TCF7L2: variants seen among roughly 807,000 people sequenced by gnomAD.
The protein encoded by TCF7L2 is transcription factor 7 like 2.
Under a neutral mutation model 77.9 loss-of-function variants are expected in TCF7L2, and 23 were observed. The ratio of observed to expected loss-of-function variants is 0.30; its 90% CI spans 0.21 to 0.42. TCF7L2 has a LOEUF of 0.42. TCF7L2 is among the 10% of genes least tolerant of loss of function. The pLI, the probability that TCF7L2 is intolerant of heterozygous loss-of-function variation, is 1.00. For missense variants in TCF7L2, 654 were observed against 793.1 expected (o/e 0.82, Z 2.11); for synonymous variants, 413 against 340.2 (o/e 1.21, Z -2.36).
intron 5 of TCF7L2, among the ~76,000 whole-genome samples, chr10:113,052,210 G>T (rs1184135141): frequency 6.6e-6 from 1 of 152,152 alleles, no homozygotes; most frequent in Non-Finnish European, 1.5e-5. Flanking sequence ...GCCGAGTGCA[G>T]GGTTTGTACT....
chr10:113,003,314 C>T (rs2044837272), intron 4 of TCF7L2, among the ~76,000 whole-genome samples: 1 of 152,186 alleles, frequency 6.6e-6, no homozygotes, highest in South Asian at 2.1e-4. Flanking sequence ...TGGGATCTCA[C>T]CCACGTGCCC....
At chr10:112,983,989 T>G (rs137881070) in intron 4 of TCF7L2, among the ~76,000 whole-genome samples, 43 of 152,338 alleles carry the variant, frequency 2.8e-4, no homozygotes, top group Non-Finnish European at 5.9e-4. Flanking sequence ...ATTCTCCCAG[T>G]CGACTTGAAA....
At chr10:112,962,743 C>T (rs1483641753) in intron 3 of TCF7L2, among the ~76,000 whole-genome samples, 6 of 152,126 alleles carry the variant, frequency 3.9e-5, no homozygotes, top group Admixed American at 2.0e-4. Flanking sequence ...GGACTATAGG[C>T]GCCCGCCACC....
chr10:113,115,646 G>A (rs1564913867), intron 5 of TCF7L2, among the ~76,000 whole-genome samples: 1 of 152,166 alleles, frequency 6.6e-6, no homozygotes, highest in South Asian at 2.1e-4. Flanking sequence ...TGAAATGGAA[G>A]GCTGAAGTAG....
intron 5 of TCF7L2, chr10:113,129,378 G>A (rs956052021): frequency 2.2e-5 from 22 of 991,020 alleles, no homozygotes; most frequent in South Asian, 9.2e-5. Context: ...CCAAGGTAAC[G>A]GGTGAGGGAG....
At position 113,150,998 on chromosome 10, in the gene TCF7L2, G is replaced by C. The variant is rs2137126339; in HGVS notation, c.876G>C (p.Arg292Ser). ...ATTTACACAGCTTTCTGTCTTCTAG[G>C]TTCCCTCCCCATATGGTCCCACCAC... is the stretch of plus-strand genomic sequence containing the variant. The change falls in exon 9 of 14, where the codon AGG becomes AGC. Residue 292 changes from arginine (R) to serine (S), a missense_variant and splice_region_variant. Around this residue, in one of 6 missense-constraint regions of TCF7L2, gnomAD observed 179 missense variants for 270.6 expected, o/e 0.66. Transcript: ENST00000627217. 6.2e-7 allele frequency: 1 copy of C among 1,613,494 alleles called. No homozygotes were observed. The highest frequency in any genetic ancestry group is 8.5e-7 in the Non-Finnish European group (1 of 1,179,898).
chr10:113,132,671 C>G (rs137994036), intron 5 of TCF7L2, among the ~76,000 whole-genome samples: 1 of 152,354 alleles, frequency 6.6e-6, no homozygotes, highest in African/African-American at 2.4e-5. Context: ...CTCCTAGAAA[C>G]AGCTGTACTC....
intron 4 of TCF7L2, among the ~76,000 whole-genome samples, chr10:112,998,592 A>G (rs560810021): frequency 2.0e-5 from 3 of 152,278 alleles, no homozygotes; most frequent in South Asian, 2.1e-4. Context: ...TTTAGATACT[A>G]TATAATTTAA....
chr10:112,996,648 G>A (rs2043538221), intron 4 of TCF7L2, among the ~76,000 whole-genome samples: 1 of 152,204 alleles, frequency 6.6e-6, no homozygotes, highest in African/African-American at 2.4e-5. Context: ...GAGGGCACCT[G>A]GGATTTCCGG....
chr10:112,950,561 C>A lies in TCF7L2; in HGVS notation c.-196C>A. On this transcript the variant is annotated 5_prime_UTR_variant, in exon 1 of 14. Transcript: ENST00000627217. ...AACTCACGCGTGCAGAAGATCTCCC[C>A]CCCCTTCCCCTCCCCTCCTCCCTCT... 1 of 509,970 alleles carries A rather than the reference C, an allele frequency of 2.0e-6. No individual in the cohort carries two copies. 31.6% of individuals were successfully genotyped at this position (509,970 alleles called of 1,614,324 possible).
chr10:112,958,555 GA>G (rs1288409526), intron 3 of TCF7L2, among the ~76,000 whole-genome samples: 3 of 152,062 alleles, frequency 2.0e-5, no homozygotes, highest in Non-Finnish European at 4.4e-5. Flanking sequence ...TAAAGTCAAT[GA>G]ATTGCAGATG....
At chr10:113,055,995 C>T (rs935586223) in intron 5 of TCF7L2, among the ~76,000 whole-genome samples, 1 of 152,166 alleles carries the variant, frequency 6.6e-6, no homozygotes, top group African/African-American at 2.4e-5. Context: ...TTAAGCAACT[C>T]ACTTAGAACA....
intron 4 of TCF7L2, among the ~76,000 whole-genome samples, 184 bp downstream of exon 4, chr10:112,964,808 G>T (rs1299850844): frequency 2.6e-5 from 3 of 116,988 alleles, no homozygotes; most frequent in African/African-American, 1.2e-4. Context: ...GGTGGTGGTG[G>T]TGGTGGGGGG....
At chr10:113,145,958 T>TGGC in intron 7 of TCF7L2, 53 bp from the exon 8 acceptor site, 3 of 1,350,230 alleles carry the variant, frequency 2.2e-6, no homozygotes, top group Non-Finnish European at 3.1e-6. Context: ...CTTTTTCTTG[T>TGGC]CCCCACCCCC....
chr10:112,962,318 G>A (rs1241963041), intron 3 of TCF7L2, among the ~76,000 whole-genome samples: 2 of 152,112 alleles, frequency 1.3e-5, no homozygotes, highest in Non-Finnish European at 2.9e-5. Flanking sequence ...GATTGGAAAA[G>A]AAGAGAATAA....
chr10:112,995,348 G>C (rs1055359398), intron 4 of TCF7L2, among the ~76,000 whole-genome samples: 15 of 152,176 alleles, frequency 9.9e-5, no homozygotes, highest in African/African-American at 1.7e-4. Flanking sequence ...TGAGATATTT[G>C]TAAGTCTCCT....
At chr10:113,127,373 A>G (rs1442673346) in intron 5 of TCF7L2, among the ~76,000 whole-genome samples, 1 of 151,718 alleles carries the variant, frequency 6.6e-6, no homozygotes, top group Non-Finnish European at 1.5e-5. Flanking sequence ...CCATTCCTCC[A>G]AGACCCATTT....
chr10:112,958,790 CAGTTTTATTAAGCCTG>C (rs2034340446), intron 3 of TCF7L2, among the ~76,000 whole-genome samples: 1 of 152,094 alleles, frequency 6.6e-6, no homozygotes. Context: ...GTTGTCGTGT[CAGTTTTATTAAGCCTG>C]AATCACAATG....
At chr10:112,978,664 A>G (rs900315726) in intron 4 of TCF7L2, among the ~76,000 whole-genome samples, 11 of 137,436 alleles carry the variant, frequency 8.0e-5, no homozygotes, top group Admixed American at 3.0e-4. Context: ...TATTTTTAGT[A>G]GAGATGAGGT....
Sources: gnomAD v4.1 joint callset for allele counts (sites outside exome capture counted in the v4.1 genomes callset) on GRCh38, gnomAD v4.1.1 for gene constraint, gnomAD v4.1.1 regional missense constraint, MANE v1.5 for transcripts, NCBI Gene and HGNC (gene_info 2026-07-23, HGNC 2026-07-21) for gene names.